The following SVIL variants were observed in gnomAD, a reference collection of about 807,000 sequenced individuals.
SVIL encodes archvillin.
A neutral mutation model predicts 240.4 loss-of-function variants in SVIL; 101 were observed. That is an observed-to-expected ratio of 0.42 (90% CI 0.36 to 0.50). The LOEUF is 0.50. SVIL is among the 20% of genes least tolerant of loss of function. The pLI is 0.01. For missense variants in SVIL, 2,512 were observed against 2,818.7 expected, an observed-to-expected ratio of 0.89 and a Z score of 2.46; for synonymous variants, 999 against 1,100.0, an observed-to-expected ratio of 0.91 and a Z score of 1.82.
intron 17 of SVIL, among the ~76,000 whole-genome samples, chr10:29,508,929 T>G (rs188490208): frequency 1.3e-5 from 2 of 152,340 alleles, no homozygotes; most frequent in Admixed American, 1.3e-4. Context: ...CGTGTGTGCC[T>G]TAACGTCGAA....
At chr10:29,586,655 T>C (rs1386639170) in intron 1 of SVIL, among the ~76,000 whole-genome samples, 1 of 152,090 alleles carries the variant, frequency 6.6e-6, no homozygotes, top group Non-Finnish European at 1.5e-5. Context: ...CCACAAAACA[T>C]CTTGCATTAA....
At chr10:29,714,728 G>C (rs140977805) in intron 1 of SVIL, among the ~76,000 whole-genome samples, 7,486 of 152,112 alleles carry the variant, frequency 0.049, 258 homozygotes, top group South Asian at 0.16. Context: ...GGGATGCTGA[G>C]GTGGGAGGAT....
At chr10:29,656,719 CA>C (rs567104931) in intron 3 of SVIL, among the ~76,000 whole-genome samples, 34 of 152,200 alleles carry the variant, frequency 2.2e-4, no homozygotes, top group African/African-American at 7.2e-4. Flanking sequence ...GCTATATAGC[CA>C]GTTTTGGTCA....
chr10:29,583,089 T>G (rs1315831840), intron 1 of SVIL, among the ~76,000 whole-genome samples: 1 of 152,162 alleles, frequency 6.6e-6, no homozygotes, highest in Non-Finnish European at 1.5e-5. Context: ...AAAATGTCTG[T>G]TGGTACCAGA....
chr10:29,480,674 A>T lies in SVIL; in HGVS notation c.5240T>A (p.Phe1747Tyr). 2 of 1,614,142 alleles carry T rather than the reference A, an allele frequency of 1.2e-6. No homozygotes were observed. Among genetic ancestry groups the T allele is most frequent in the Non-Finnish European group, 1.7e-6 (2 of 1,179,998 alleles). Residue 1747 changes from phenylalanine to tyrosine, a missense_variant, in exon 29 of 38, where the codon TTT becomes TAT. Phe to Tyr is a conservative substitution (Grantham distance 22). Coordinates refer to ENST00000355867, the MANE Select transcript of SVIL (RefSeq NM_021738.3). ...GLVEGHDRRQ[F>Y]EITSVSVDVW... is the part of the protein sequence containing the mutation. ...ATCCACGGAAACGCTGGTGATCTCAAACTGCCTCCTGTCGTGTCCTTCCAC... is the reference window on the plus strand; with the variant it reads ...ATCCACGGAAACGCTGGTGATCTCATACTGCCTCCTGTCGTGTCCTTCCAC...
chr10:29,672,846 GTTTA>G (rs1385001621), intron 2 of SVIL, among the ~76,000 whole-genome samples: 1 of 151,816 alleles, frequency 6.6e-6, no homozygotes, highest in Admixed American at 6.6e-5. Flanking sequence ...TCCATATCTT[GTTTA>G]TTTATCTTTG....
intron 1 of SVIL, among the ~76,000 whole-genome samples, chr10:29,595,839 G>A (rs1313129826): frequency 6.6e-6 from 1 of 152,162 alleles, no homozygotes; most frequent in Non-Finnish European, 1.5e-5. Context: ...CTGATGAAGT[G>A]ACTCATTCCA....
intron 1 of SVIL, among the ~76,000 whole-genome samples, chr10:29,608,560 C>T (rs1412453940): frequency 6.6e-6 from 1 of 152,254 alleles, no homozygotes; most frequent in Non-Finnish European, 1.5e-5. Context: ...TTCCTTCAGG[C>T]AGAGGTGCCT....
At chr10:29,530,844 G>C (rs1297603662) in intron 10 of SVIL, among the ~76,000 whole-genome samples, 176 bp from the exon 11 acceptor site, 1 of 152,180 alleles carries the variant, frequency 6.6e-6, no homozygotes, top group Non-Finnish European at 1.5e-5. Context: ...CAGTGAAAAG[G>C]TACTAATTTC....
intron 36 of SVIL, among the ~76,000 whole-genome samples, chr10:29,459,603 T>C (rs1943993479): frequency 2.0e-5 from 3 of 152,218 alleles, no homozygotes; most frequent in Admixed American, 2.0e-4. Context: ...TAGAATATTC[T>C]GGAGCAGAAT....
chr10:29,733,333 G>GT (rs551587249), intron 1 of SVIL, among the ~76,000 whole-genome samples: 213 of 152,192 alleles, frequency 1.4e-3, no homozygotes, highest in African/African-American at 4.1e-3. Flanking sequence ...GTTTTGTTTA[G>GT]TTTTTTTACA....
chr10:29,551,404 C>A, intron 5 of SVIL, 141 bp from the exon 6 acceptor site: 1 of 791,876 alleles, frequency 1.3e-6, no homozygotes, highest in Non-Finnish European at 1.9e-6. Flanking sequence ...GGTGTGTTTG[C>A]CTAAACTGAT....
chr10:29,503,001 C>T (rs756276091), intron 17 of SVIL, among the ~76,000 whole-genome samples: 15 of 152,010 alleles, frequency 9.9e-5, no homozygotes, highest in Middle Eastern at 3.2e-3. Flanking sequence ...AGAGCTTTAT[C>T]GAAATAAAAT....
intron 1 of SVIL, among the ~76,000 whole-genome samples, chr10:29,578,618 C>G (rs1428706464): frequency 6.6e-6 from 1 of 152,208 alleles, no homozygotes; most frequent in African/African-American, 2.4e-5. Context: ...TTCTTTATTA[C>G]CAATCACACC....
intron 1 of SVIL, among the ~76,000 whole-genome samples, chr10:29,627,049 A>C (rs1460489075): frequency 6.6e-6 from 1 of 151,932 alleles, no homozygotes; most frequent in Non-Finnish European, 1.5e-5. Flanking sequence ...AAATAAAATA[A>C]AATAAAATAA....
chr10:29,559,806 A>G (rs902088485), intron 3 of SVIL, among the ~76,000 whole-genome samples: 2 of 152,212 alleles, frequency 1.3e-5, no homozygotes, highest in Non-Finnish European at 2.9e-5. Context: ...GTTTTCAAGT[A>G]AGGCGATTTA....
intron 21 of SVIL, among the ~76,000 whole-genome samples, chr10:29,492,800 T>A (rs1426175668): frequency 1.3e-5 from 2 of 152,226 alleles, no homozygotes; most frequent in African/African-American, 4.8e-5. Context: ...TGTATTAGTT[T>A]GAGCCCATCT....
intron 2 of SVIL, among the ~76,000 whole-genome samples, chr10:29,679,239 G>C (rs909492723): frequency 6.6e-6 from 1 of 151,998 alleles, no homozygotes; most frequent in African/African-American, 2.4e-5. Flanking sequence ...AAAACACCTG[G>C]GTTTAGAGCT....
chr10:29,687,082 G>T (rs772779515), intron 1 of SVIL, among the ~76,000 whole-genome samples: 7 of 152,194 alleles, frequency 4.6e-5, no homozygotes, highest in Non-Finnish European at 1.0e-4. Flanking sequence ...AGAGGAGAAG[G>T]CCTCAGGACT....
Sources: allele counts gnomAD v4.1 joint callset (sites outside exome capture counted in the v4.1 genomes callset), GRCh38; gene constraint gnomAD v4.1.1; transcripts MANE v1.5; gene names NCBI Gene and HGNC (gene_info 2026-07-23, HGNC 2026-07-21).